AGBL4: variants seen among roughly 807,000 people sequenced by gnomAD.
AGBL4 encodes AGBL carboxypeptidase 4, also known as cytosolic carboxypeptidase 6.
A neutral mutation model predicts 66.4 loss-of-function variants in AGBL4; 58 were observed. The ratio of observed to expected loss-of-function variants is 0.87; its 90% CI spans 0.71 to 1.09. The LOEUF (loss-of-function observed/expected upper bound fraction) is 1.09. Among genes scored for constraint, AGBL4 ranks in the 50% least tolerant of loss-of-function variants. The pLI, the probability that AGBL4 is intolerant of heterozygous loss-of-function variation, is 0.00. For missense variants in AGBL4, 579 were observed against 631.0 expected, an observed-to-expected ratio of 0.92 and a Z score of 0.88; for synonymous variants, 234 against 222.9, an observed-to-expected ratio of 1.05 and a Z score of -0.44.
intron 9 of AGBL4, among the ~76,000 whole-genome samples, chr1:48,605,671 G>A (rs371436736): frequency 1.3e-5 from 2 of 152,140 alleles, no homozygotes; most frequent in East Asian, 1.9e-4. Flanking sequence ...AACATCTAGC[G>A]CAGTGTCTGG....
intron 5 of AGBL4, among the ~76,000 whole-genome samples, chr1:48,911,036 G>T (rs1046313325): frequency 6.6e-6 from 1 of 152,106 alleles, no homozygotes; most frequent in South Asian, 2.1e-4. Flanking sequence ...CTGGTTTTTT[G>T]ATCAGTTTTG....
chr1:48,791,876 GC>G (rs1358455550), intron 6 of AGBL4, among the ~76,000 whole-genome samples: 1 of 152,140 alleles, frequency 6.6e-6, no homozygotes, highest in African/African-American at 2.4e-5. Context: ...CATTTCCCGA[GC>G]CACCTTATCT....
chr1:49,920,195 T>C (rs1016713527), intron 1 of AGBL4, among the ~76,000 whole-genome samples: 5 of 152,260 alleles, frequency 3.3e-5, no homozygotes, highest in South Asian at 2.1e-4. Flanking sequence ...ACTTCATGTC[T>C]AAAACACCAA....
At chr1:49,923,177 T>C (rs998823443) in intron 1 of AGBL4, among the ~76,000 whole-genome samples, 4 of 152,088 alleles carry the variant, frequency 2.6e-5, no homozygotes, top group East Asian at 1.9e-4. Context: ...CAAACAACTA[T>C]CTGATCTTTG....
chr1:49,606,439 G>C (rs1047272195), intron 3 of AGBL4, among the ~76,000 whole-genome samples: 4 of 152,064 alleles, frequency 2.6e-5, no homozygotes, highest in Admixed American at 1.3e-4. Context: ...ATTTTTGACA[G>C]TCAATGAGAA....
intron 5 of AGBL4, among the ~76,000 whole-genome samples, chr1:49,029,236 GA>G (rs1228057715): frequency 6.6e-6 from 1 of 152,018 alleles, no homozygotes; most frequent in Non-Finnish European, 1.5e-5. Flanking sequence ...GGTGAGAAAA[GA>G]AACAGAAGAA....
intron 3 of AGBL4, among the ~76,000 whole-genome samples, chr1:49,370,067 A>G: frequency 6.7e-6 from 1 of 148,702 alleles, no homozygotes; most frequent in East Asian, 1.9e-4. Context: ...ATAAACACAC[A>G]CACACACATA....
intron 2 of AGBL4, among the ~76,000 whole-genome samples, chr1:49,764,498 A>G (rs1652590163): frequency 6.6e-6 from 1 of 152,162 alleles, no homozygotes; most frequent in South Asian, 2.1e-4. Flanking sequence ...GATCACAGCC[A>G]GCACCTCAAC....
At chr1:49,016,530 A>T (rs1301208728) in intron 5 of AGBL4, among the ~76,000 whole-genome samples, 1 of 152,178 alleles carries the variant, frequency 6.6e-6, no homozygotes, top group African/African-American at 2.4e-5. Flanking sequence ...AGAGGAAGAA[A>T]GCACATTCTA....
At chr1:49,749,449 A>C (rs1000080541) in intron 2 of AGBL4, among the ~76,000 whole-genome samples, 2 of 152,172 alleles carry the variant, frequency 1.3e-5, no homozygotes, top group African/African-American at 4.8e-5. Flanking sequence ...ATAATACTAA[A>C]ACTTTCCTTA....
rs1390624555 is a variant in AGBL4, at chr1:48,591,000, G to T, written c.952-15C>A. 6.3e-7 allele frequency: 1 copy of T among 1,597,974 alleles called. No homozygotes were observed. On this transcript the variant is annotated splice_polypyrimidine_tract_variant and intron_variant, in intron 9 of 13. Transcript: ENST00000371839. The stretch of plus-strand genomic sequence containing the variant: ...AGGCTTGTTTTCTGTTGAGAGAAAG[G>T]ATAACAAATGAGAAGTCTGGGCTGT...
intron 4 of AGBL4, among the ~76,000 whole-genome samples, chr1:49,159,705 A>C (rs892559976): frequency 5.3e-5 from 8 of 152,186 alleles, no homozygotes; most frequent in African/African-American, 1.4e-4. Context: ...TACACCAATC[A>C]AACATAGATT....
chr1:49,027,552 G>A (rs990136732), intron 5 of AGBL4, among the ~76,000 whole-genome samples: 2 of 152,094 alleles, frequency 1.3e-5, no homozygotes, highest in African/African-American at 4.8e-5. Flanking sequence ...AACTCAGTGG[G>A]ATGGAAGCTG....
intron 6 of AGBL4, among the ~76,000 whole-genome samples, chr1:48,678,854 C>T (rs146427215): frequency 1.3e-5 from 2 of 152,284 alleles, no homozygotes; most frequent in African/African-American, 2.4e-5. Context: ...TTCTAGAAAT[C>T]ATTAATATTT....
intron 1 of AGBL4, among the ~76,000 whole-genome samples, chr1:49,910,018 G>C (rs928288106): frequency 5.9e-5 from 9 of 152,172 alleles, no homozygotes; most frequent in African/African-American, 2.2e-4. Flanking sequence ...GAATTCAGTA[G>C]AGATGTCGAG....
intron 4 of AGBL4, among the ~76,000 whole-genome samples, chr1:49,164,048 T>C (rs941751214): frequency 6.6e-6 from 1 of 152,176 alleles, no homozygotes; most frequent in Non-Finnish European, 1.5e-5. Flanking sequence ...GAATTTATTG[T>C]GAATTTTATA....
chr1:49,820,221 A>G (rs1229761712), intron 2 of AGBL4, among the ~76,000 whole-genome samples: 3 of 152,148 alleles, frequency 2.0e-5, no homozygotes, highest in Non-Finnish European at 4.4e-5. Context: ...AAGATGTGAA[A>G]ATGAATTTCC....
chr1:49,053,890 T>C (rs1197534368), intron 4 of AGBL4, among the ~76,000 whole-genome samples: 1 of 152,132 alleles, frequency 6.6e-6, no homozygotes, highest in Non-Finnish European at 1.5e-5. Context: ...CGCATAAAAA[T>C]CAGAAGACAC....
chr1:48,907,424 G>A (rs12047321), intron 5 of AGBL4, among the ~76,000 whole-genome samples: 14,015 of 152,200 alleles, frequency 0.092, 731 homozygotes, highest in Non-Finnish European at 0.11. Context: ...AAAGGTCCAC[G>A]TGTTTCTCAA....
Sources: allele counts gnomAD v4.1 joint callset (sites outside exome capture counted in the v4.1 genomes callset), GRCh38; gene constraint gnomAD v4.1.1; transcripts MANE v1.5; gene names NCBI Gene and HGNC (gene_info 2026-07-23, HGNC 2026-07-21).